MMUT: variants seen among roughly 807,000 people sequenced by gnomAD.
The protein encoded by MMUT is methylmalonyl-CoA mutase.
Under a neutral mutation model 79.9 loss-of-function variants are expected in MMUT, and 79 were observed. That is an observed-to-expected ratio of 0.99 (90% confidence interval 0.82 to 1.19). The LOEUF (loss-of-function observed/expected upper bound fraction) is 1.19. Among genes scored for constraint, MMUT ranks in the 50% most tolerant of loss-of-function variants. MMUT has a pLI of 0.00. For synonymous variants in MMUT, 273 were observed against 295.7 expected (o/e 0.92, Z 0.79); for missense variants, 860 against 917.2 (o/e 0.94, Z 0.81).
Position 49,459,496 on chromosome 6 carries a change from A to G in MMUT, c.-30T>C, listed in dbSNP as rs1334157212. The G allele has an allele frequency of 5.6e-6, 9 of 1,603,542 alleles. No homozygotes were observed. The highest frequency in any genetic ancestry group is 3.3e-5 in the South Asian group (3 of 90,826). On this transcript the variant is annotated 5_prime_UTR_variant, in exon 2 of 13. Transcript: ENST00000274813. ...GAGCATGGAAACACCCAATAGAAAT[A>G]AGAACTGACCTAGAAAAAGAAACAT... is the stretch of plus-strand genomic sequence containing the variant.
chr6:49,436,594 G>A (rs1352683012), intron 11 of MMUT, among the ~76,000 whole-genome samples: 4 of 142,216 alleles, frequency 2.8e-5, no homozygotes, highest in Non-Finnish European at 6.1e-5. Flanking sequence ...GAAAGAGCGA[G>A]ACTCTGTTTC....
At chr6:49,432,103 G>A (rs1000661730) in intron 12 of MMUT, among the ~76,000 whole-genome samples, 10 of 152,138 alleles carry the variant, frequency 6.6e-5, no homozygotes, top group African/African-American at 2.4e-4. Flanking sequence ...TCTATGTGTT[G>A]CTTGTGGTAG....
chr6:49,449,855 C>A (rs1446029446), intron 6 of MMUT, among the ~76,000 whole-genome samples: 2 of 151,864 alleles, frequency 1.3e-5, no homozygotes, highest in Non-Finnish European at 1.5e-5. Context: ...AAATATAATA[C>A]ATGAATGTAA....
At position 49,451,714 on chromosome 6, in the gene MMUT, C is replaced by A; in HGVS notation, c.1084G>T (p.Asp362Tyr). 1 of 1,613,466 alleles carries A rather than the reference C, an allele frequency of 6.2e-7. No homozygotes were observed. The highest frequency in any genetic ancestry group is 8.5e-7 in the Non-Finnish European group (1 of 1,179,670). The change falls in exon 6 of 13, where the codon GAT becomes TAT. Residue 362 changes from aspartate to tyrosine, a missense_variant and splice_region_variant. By Grantham distance (160) the Asp-to-Tyr change is radical (BLOSUM62 -3). Coordinates refer to ENST00000274813, the MANE Select transcript of MMUT (RefSeq NM_000255.4). ...GTACGGACAATATTATTGTAGGGAT[C>A]CTAAAATATTTGATAAAAAACAAAA... Reference protein sequence around the residue: ...QTSGWSLTEQDPYNNIVRTAI... With the variant: ...QTSGWSLTEQYPYNNIVRTAI...
At chr6:49,453,039 G>GTTTTTTTTTTTTTTTTTT (rs5876116) in intron 5 of MMUT, among the ~76,000 whole-genome samples, 7 of 116,176 alleles carry the variant, frequency 6.0e-5, no homozygotes, top group Non-Finnish European at 7.2e-5. Flanking sequence ...TTCTTTCTTT[G>GTTTTTTTTTTTTTTTTTT]TTTTTTTTTT....
chr6:49,446,868 G>T (rs1027808381), intron 8 of MMUT, among the ~76,000 whole-genome samples: 2 of 150,850 alleles, frequency 1.3e-5, no homozygotes, highest in Non-Finnish European at 3.0e-5. Context: ...TTTATAGATT[G>T]AACTAAAAAA....
Position 49,430,965 on chromosome 6 carries a change from A to G in MMUT, c.*763T>C, listed in dbSNP as rs1019209047. 1.5e-4 allele frequency: 23 copies of G among 152,336 alleles called. No individual in the cohort carries two copies. Among genetic ancestry groups the G allele is most frequent in the African/African-American group, 5.1e-4 (21 of 41,576 alleles). 9.4% of individuals were successfully genotyped at this position (152,336 alleles called of 1,614,324 possible). A position where few individuals can be genotyped will look rare whatever the true frequency, so the allele number is the denominator to read the frequency against. On this transcript the variant is annotated 3_prime_UTR_variant, in exon 13 of 13. Transcript: ENST00000274813. ...AGATCTGGAAAGTTGAATTCTTTCT[A>G]TATCACAGACCTACACTCACAGTTG...
intron 11 of MMUT, among the ~76,000 whole-genome samples, chr6:49,437,030 C>G (rs763596125): frequency 6.6e-6 from 1 of 151,980 alleles, no homozygotes; most frequent in Non-Finnish European, 1.5e-5. Flanking sequence ...TATAACAAAT[C>G]TACACATGTA....
At chr6:49,440,095 G>T in intron 11 of MMUT, 111 bp downstream of exon 11, 1 of 1,383,964 alleles carries the variant, frequency 7.2e-7, no homozygotes. Flanking sequence ...CTACATACCA[G>T]TTACCAGGAG....
rs2127417933 is a variant in MMUT at position 49,451,607 on chromosome 6, T to G, written c.1191A>C (p.Pro397=). ...TNSFDEALGL[P]TVKSARIARN... ...TGGCAATTCGAGCACTTTTCACAGT[T>G]GGCAAACCCAAAGCTTCATCAAAAG... is the stretch of plus-strand genomic sequence containing the variant. The change falls in exon 6 of 13, where the codon CCA becomes CCC. Residue 397 remains proline, a synonymous_variant. Coordinates refer to ENST00000274813, the MANE Select transcript of MMUT (RefSeq NM_000255.4). The G allele has an allele frequency of 6.2e-7, 1 of 1,614,182 alleles. No homozygotes were observed. Among genetic ancestry groups the G allele is most frequent in the Non-Finnish European group, 8.5e-7 (1 of 1,180,014 alleles).
chr6:49,458,480 G>T (rs1401869141), intron 2 of MMUT, among the ~76,000 whole-genome samples: 3 of 151,996 alleles, frequency 2.0e-5, no homozygotes, highest in Non-Finnish European at 2.9e-5. Flanking sequence ...AGGATTCCTG[G>T]CTATTCAAAT....
intron 11 of MMUT, among the ~76,000 whole-genome samples, chr6:49,437,890 A>T (rs1767174033): frequency 6.6e-6 from 1 of 152,044 alleles, no homozygotes; most frequent in African/African-American, 2.4e-5. Flanking sequence ...GGATCAACAA[A>T]TATAAGTTTC....
Position 49,442,001 on chromosome 6 carries a change from T to A in MMUT, c.1677-30A>T, listed in dbSNP as rs113746269. ...AACATGAAATGGTGGTTCCATTAAC[T>A]TCATTATTTTGTGATAAAGATATCT... is the stretch of plus-strand genomic sequence containing the variant. On this transcript the variant is annotated intron_variant, in intron 9 of 12. Coordinates refer to ENST00000274813, the MANE Select transcript of MMUT (RefSeq NM_000255.4). 1,624 of 1,590,302 alleles carry A rather than the reference T, an allele frequency of 1.0e-3. 12 individuals carry two copies. In the African/African-American group the frequency reaches 0.019, roughly 19 times the overall value.
rs773507404 is a variant in MMUT, at chr6:49,459,067, A to C, written c.385+15T>G. ...TGACTTATCATAAATATTATGTCTT[A>C]CATTAAAATCTCACCCTTAATGTTG... On this transcript the variant is annotated intron_variant, in intron 2 of 12. Coordinates refer to ENST00000274813, the MANE Select transcript of MMUT (RefSeq NM_000255.4). 6.2e-7 allele frequency: 1 copy of C among 1,612,298 alleles called. No individual in the cohort carries two copies. The highest frequency in any genetic ancestry group is 8.5e-7 in the Non-Finnish European group (1 of 1,178,634).
At chr6:49,451,766 G>T in intron 5 of MMUT, 52 bp from the exon 6 acceptor site, 1 of 1,563,906 alleles carries the variant, frequency 6.4e-7, no homozygotes, top group Non-Finnish European at 8.8e-7. Flanking sequence ...GATAGATATT[G>T]CAACTATAAA....
intron 10 of MMUT, among the ~76,000 whole-genome samples, chr6:49,440,704 C>T (rs1306372093): frequency 6.6e-6 from 1 of 152,088 alleles, no homozygotes; most frequent in Non-Finnish European, 1.5e-5. Context: ...AAAGCCATTT[C>T]CCCCTTAGAG....
At chr6:49,450,690 T>C (rs1767530612) in intron 6 of MMUT, among the ~76,000 whole-genome samples, 2 of 152,180 alleles carry the variant, frequency 1.3e-5, no homozygotes, top group Non-Finnish European at 2.9e-5. Flanking sequence ...AATAAAGACA[T>C]TCCCAAACAG....
In MMUT at chr6:49,440,215, AG is replaced by A. The variant is rs1554158754; in HGVS notation, c.1946del (p.Pro649LeufsTer23). ...ADLGFDVDIG[P>X]LFQTPREVAQ... ...CAACAGTTTTTAGTACCTGGAAAAG[AG>A]GGCCTATGTCCACATCAAAACCAAG... On this transcript the variant is annotated frameshift_variant, in exon 11 of 13. Coordinates refer to ENST00000274813, the MANE Select transcript of MMUT (RefSeq NM_000255.4). LOFTEE classifies it high-confidence loss of function. 14 of 1,614,036 alleles carry A rather than the reference AG, an allele frequency of 8.7e-6. No individual in the cohort carries two copies. Among genetic ancestry groups the A allele is most frequent in the Non-Finnish European group, 1.2e-5 (14 of 1,179,908 alleles).
intron 3 of MMUT, among the ~76,000 whole-genome samples, chr6:49,457,158 TGGG>T (rs1384068342): frequency 3.9e-5 from 6 of 152,060 alleles, no homozygotes; most frequent in Non-Finnish European, 8.8e-5. Flanking sequence ...GAGTGAATAA[TGGG>T]GGGAAATATA....
Sources: allele counts gnomAD v4.1 joint callset (sites outside exome capture counted in the v4.1 genomes callset), GRCh38; gene constraint gnomAD v4.1.1; transcripts MANE v1.5; gene names NCBI Gene and HGNC (gene_info 2026-07-23, HGNC 2026-07-21).